ADAMTSL1: variants seen among roughly 807,000 people sequenced by gnomAD.
ADAMTSL1 encodes ADAMTS-like protein 1.
ADAMTSL1 carries 126 observed loss-of-function variants against 201.8 expected under a neutral mutation model. That is an observed-to-expected ratio of 0.62 (90% CI 0.54 to 0.72). The LOEUF (loss-of-function observed/expected upper bound fraction) is 0.72, where lower values mean the gene tolerates loss of function less well. Ranked by LOEUF, ADAMTSL1 falls within the 30% of genes least tolerant of loss-of-function variation. The pLI, the probability that ADAMTSL1 is intolerant of heterozygous loss-of-function variation, is 0.00. For synonymous variants in ADAMTSL1, 1,121 were observed against 903.4 expected (o/e 1.24, Z -4.32); for missense variants, 2,679 against 2,277.8 (o/e 1.18, Z -3.59).
intron 5 of ADAMTSL1, among the ~76,000 whole-genome samples, chr9:18,631,665 C>T (rs757618549): frequency 1.4e-4 from 21 of 152,060 alleles, no homozygotes; most frequent in Admixed American, 4.6e-4. Context: ...CTGTGAATCA[C>T]GCAGAACATC....
intron 2 of ADAMTSL1, among the ~76,000 whole-genome samples, chr9:18,316,544 T>C (rs1834402047): frequency 6.6e-6 from 1 of 152,172 alleles, no homozygotes; most frequent in South Asian, 2.1e-4. Flanking sequence ...AAGAGAAATA[T>C]GGCTCTGTTC....
chr9:18,683,628 G>C (rs912140502), intron 12 of ADAMTSL1, among the ~76,000 whole-genome samples: 2 of 152,160 alleles, frequency 1.3e-5, no homozygotes, highest in African/African-American at 4.8e-5. Flanking sequence ...TTTTGGCTTT[G>C]GCAGTTTTAT....
intron 19 of ADAMTSL1, among the ~76,000 whole-genome samples, chr9:18,778,561 G>A (rs999635777): frequency 3.9e-5 from 6 of 152,212 alleles, no homozygotes. Context: ...AATAGTGGTA[G>A]TAGAATTAAT....
chr9:18,614,785 G>A (rs989310202), intron 4 of ADAMTSL1, among the ~76,000 whole-genome samples: 4 of 152,118 alleles, frequency 2.6e-5, no homozygotes, highest in Admixed American at 6.6e-5. Flanking sequence ...TCTAATTTAA[G>A]TATAATCAGC....
chr9:18,682,650 A>G (rs1830573147), intron 12 of ADAMTSL1, among the ~76,000 whole-genome samples: 1 of 152,190 alleles, frequency 6.6e-6, no homozygotes, highest in African/African-American at 2.4e-5. Flanking sequence ...CAAAGTCACA[A>G]ACCATTCAGA....
chr9:18,814,627 G>A (rs1439446428), intron 20 of ADAMTSL1, among the ~76,000 whole-genome samples: 4 of 152,140 alleles, frequency 2.6e-5, no homozygotes, highest in Non-Finnish European at 4.4e-5. Flanking sequence ...GCAAACTAAC[G>A]CAAGAACAGA....
chr9:18,587,993 G>A (rs553244643), intron 4 of ADAMTSL1, among the ~76,000 whole-genome samples: 1 of 152,286 alleles, frequency 6.6e-6, no homozygotes, highest in African/African-American at 2.4e-5. Flanking sequence ...ATAACCAGTA[G>A]TGAGGTTGCT....
chr9:18,169,419 A>T (rs2132117476), intron 2 of ADAMTSL1, among the ~76,000 whole-genome samples: 1 of 152,228 alleles, frequency 6.6e-6, no homozygotes, highest in South Asian at 2.1e-4. Context: ...CAGGTTTGCC[A>T]AAGATCAGAT....
At position 18,803,763 on chromosome 9, in the gene ADAMTSL1, A is replaced by G. The variant is rs372157214; in HGVS notation, c.3805+8239A>G. 1.9e-3 allele frequency among the ~76,000 whole-genome samples: 293 copies of G among 152,338 alleles called. 1 individual carries two copies. The South Asian group carries it at 0.029, about 15-fold the overall frequency. ...GGGTAAACATGTCTGTGCTCTGAAT[A>G]TAGCCTTGAGGCTACCAATACCCCC... On this transcript the variant is annotated intron_variant, in intron 20 of 28. Coordinates refer to ENST00000380548, the MANE Select transcript of ADAMTSL1 (RefSeq NM_001040272.6).
At chr9:18,498,647 A>T (rs113434278) in intron 1 of ADAMTSL1, among the ~76,000 whole-genome samples, 1 of 152,120 alleles carries the variant, frequency 6.6e-6, no homozygotes, top group African/African-American at 2.4e-5. Flanking sequence ...CATTTTACAC[A>T]TGAAGAAACT....
chr9:18,836,820 T>C (rs1032566467), intron 23 of ADAMTSL1, among the ~76,000 whole-genome samples: 4 of 152,236 alleles, frequency 2.6e-5, no homozygotes, highest in Non-Finnish European at 5.9e-5. Flanking sequence ...TTTAACCTTC[T>C]TGGTCAGATA....
Position 18,757,721 on chromosome 9 carries a change from A to C in ADAMTSL1, c.2217+4213A>C, listed in dbSNP as rs141006733. Among the ~76,000 whole-genome samples the C allele has an allele frequency of 4.0e-4, 61 of 152,194 alleles. No homozygotes were observed. The East Asian group carries it at 0.011, about 28-fold the overall frequency. ...TTCAGGGGCAGACAGCTAACTTAAC[A>C]ACCACGTTACCCACTCAGGTGCTTT... On this transcript the variant is annotated intron_variant, in intron 16 of 28. Coordinates refer to ENST00000380548, the MANE Select transcript of ADAMTSL1 (RefSeq NM_001040272.6).
Position 18,499,201 on chromosome 9 carries a change from TC to T in ADAMTSL1, c.64-5626del, listed in dbSNP as rs1822702312. Among the ~76,000 whole-genome samples, 3 of 152,286 alleles carry T rather than the reference TC, an allele frequency of 2.0e-5. No homozygotes were observed. In the South Asian group the frequency reaches 6.2e-4, roughly 32 times the overall value. On this transcript the variant is annotated intron_variant, in intron 1 of 28. Transcript: ENST00000380548. ...TGCAGCTGTGATAAGAACCAGATGATCCAAATTTCCTAAGCAAAGCCAGCAG... is the reference window on the plus strand; with the variant it reads ...TGCAGCTGTGATAAGAACCAGATGATCAAATTTCCTAAGCAAAGCCAGCAG...
Position 18,573,982 on chromosome 9 carries a change from G to A in ADAMTSL1, c.238-48G>A, listed in dbSNP as rs753959806. The stretch of plus-strand genomic sequence containing the variant: ...TATAGCTGCTCTGGTTTCATGTTTG[G>A]GGGTATCCTCCTAACCTTTGTATGT... On this transcript the variant is annotated intron_variant, in intron 3 of 28. Coordinates refer to ENST00000380548, the MANE Select transcript of ADAMTSL1 (RefSeq NM_001040272.6). 47 of 1,495,674 alleles carry A rather than the reference G, an allele frequency of 3.1e-5. 2 individuals carry two copies. In the South Asian group the frequency reaches 5.5e-4, roughly 17 times the overall value. 92.7% of individuals were successfully genotyped at this position (1,495,674 alleles called of 1,614,324 possible).
intron 2 of ADAMTSL1, among the ~76,000 whole-genome samples, chr9:18,304,889 G>A (rs1833848340): frequency 1.3e-5 from 2 of 152,060 alleles, no homozygotes; most frequent in Admixed American, 6.5e-5. Flanking sequence ...AAGAAAATAT[G>A]TACTTAAACA....
intron 7 of ADAMTSL1, among the ~76,000 whole-genome samples, chr9:18,649,452 A>G (rs1445503084): frequency 2.0e-5 from 3 of 152,188 alleles, no homozygotes; most frequent in African/African-American, 7.2e-5. Flanking sequence ...CCTTTGGATG[A>G]GGAGAGGTGC....
chr9:18,849,534 AAATT>A (rs1158114713), intron 23 of ADAMTSL1, among the ~76,000 whole-genome samples: 3 of 152,188 alleles, frequency 2.0e-5, no homozygotes, highest in Non-Finnish European at 4.4e-5. Context: ...GGTTAGGTAA[AAATT>A]AATCCACACT....
chr9:18,088,517 C>G (rs1159648671), intron 1 of ADAMTSL1, among the ~76,000 whole-genome samples: 3 of 152,068 alleles, frequency 2.0e-5, no homozygotes, highest in African/African-American at 7.2e-5. Context: ...AGTTAAACGC[C>G]TACAACTCAA....
intron 2 of ADAMTSL1, among the ~76,000 whole-genome samples, chr9:18,349,459 C>T (rs892415664): frequency 2.0e-5 from 3 of 152,050 alleles, no homozygotes; most frequent in South Asian, 4.2e-4. Context: ...TCTAGAAGAC[C>T]AAACTTGTGT....
Sources: gnomAD v4.1 joint callset for allele counts (sites outside exome capture counted in the v4.1 genomes callset) on GRCh38, gnomAD v4.1.1 for gene constraint, MANE v1.5 for transcripts, NCBI Gene and HGNC (gene_info 2026-07-23, HGNC 2026-07-21) for gene names.